The following IARS1 variants were observed in gnomAD, a reference collection of about 807,000 sequenced individuals.
IARS1 encodes the protein isoleucyl-tRNA synthetase 1, also known as isoleucine--tRNA ligase, cytoplasmic.
A neutral mutation model predicts 168.2 loss-of-function variants in IARS1; 124 were observed. The ratio of observed to expected loss-of-function variants is 0.74; its 90% CI spans 0.64 to 0.86. IARS1 has a LOEUF of 0.86. Ranked by LOEUF, IARS1 falls within the 40% of genes least tolerant of loss-of-function variation. The pLI is 0.00. For missense variants in IARS1, 1,452 were observed against 1,515.8 expected (o/e 0.96, Z 0.70); for synonymous variants, 532 against 529.4 (o/e 1.00, Z -0.07).
intron 14 of IARS1, among the ~76,000 whole-genome samples, chr9:92,266,555 A>T (rs547768172): frequency 1.1e-4 from 17 of 152,260 alleles, no homozygotes; most frequent in African/African-American, 3.9e-4. Context: ...AGCAAATCTC[A>T]AGTTGAAATT....
At chr9:92,275,847 G>A (rs1473729809) in intron 9 of IARS1, among the ~76,000 whole-genome samples, 1 of 152,224 alleles carries the variant, frequency 6.6e-6, no homozygotes, top group Non-Finnish European at 1.5e-5. Context: ...ACGATTTATA[G>A]TACTTGCCTA....
intron 16 of IARS1, among the ~76,000 whole-genome samples, chr9:92,264,428 T>C (rs1055644867): frequency 2.6e-5 from 4 of 152,148 alleles, no homozygotes; most frequent in Admixed American, 2.6e-4. Flanking sequence ...AGGAACTGTT[T>C]TACATAAGGC....
At chr9:92,213,420 C>A (rs1356225911) in intron 33 of IARS1, among the ~76,000 whole-genome samples, 6 of 152,130 alleles carry the variant, frequency 3.9e-5, no homozygotes, top group Admixed American at 3.3e-4. Flanking sequence ...AAAGATATGC[C>A]CAGGTTCTAA....
At position 92,271,568 on chromosome 9, in the gene IARS1, T is replaced by C. The variant is rs763502265; in HGVS notation, c.1078A>G (p.Thr360Ala). The part of the protein sequence containing the change: ...CPVDASGCFT[T>A]EVTDFAGQYV... Reference sequence around the variant, plus strand: ...TGTCCTGCGAAATCTGTCACCTCCGTTGTGAAGCAGCCTGAAGCATCCACA... The same window carrying C: ...TGTCCTGCGAAATCTGTCACCTCCGCTGTGAAGCAGCCTGAAGCATCCACA... Residue 360 changes from threonine (T) to alanine (A), a missense_variant, in exon 11 of 34, where the codon ACG (threonine) becomes GCG (alanine). By Grantham distance (58) the Thr-to-Ala change is moderately conservative. Coordinates refer to ENST00000443024, the MANE Select transcript of IARS1 (RefSeq NM_002161.6). The C allele has an allele frequency of 1.2e-6, 2 of 1,614,118 alleles. No individual in the cohort carries two copies. Among genetic ancestry groups the C allele is most frequent in the Admixed American group, 1.7e-5 (1 of 60,024 alleles).
chr9:92,240,064 C>G (rs553117754), intron 30 of IARS1, among the ~76,000 whole-genome samples: 1 of 152,234 alleles, frequency 6.6e-6, no homozygotes, highest in African/African-American at 2.4e-5. Flanking sequence ...CCTGAACTTA[C>G]TACTTTTAGG....
chr9:92,288,549 G>A (rs751904471), intron 2 of IARS1, among the ~76,000 whole-genome samples: 3 of 152,090 alleles, frequency 2.0e-5, no homozygotes, highest in Non-Finnish European at 4.4e-5. Flanking sequence ...TCCTGATCTT[G>A]AGTTATCTCA....
chr9:92,213,885 C>T (rs1838181576), intron 33 of IARS1, among the ~76,000 whole-genome samples: 1 of 152,006 alleles, frequency 6.6e-6, no homozygotes, highest in Non-Finnish European at 1.5e-5. Context: ...AATCTCAGCA[C>T]ACTGCAACCT....
chr9:92,223,325 CTGCTGTGGGGAGG>C lies in IARS1; in HGVS notation c.3553+8_3553+20del. The C allele has an allele frequency of 6.3e-7, 1 of 1,588,290 alleles. No homozygotes were observed. The highest frequency in any genetic ancestry group is 8.6e-7 in the Non-Finnish European group (1 of 1,162,934). On this transcript the variant is annotated splice_region_variant and intron_variant, in intron 32 of 33. Coordinates refer to ENST00000443024, the MANE Select transcript of IARS1 (RefSeq NM_002161.6). Reference sequence around the variant, plus strand: ...CAATGCCCAGCACCCCACAGTCTGCCTGCTGTGGGGAGGCACATACCTTGTGGCTTTGCATTCA... The same window carrying C: ...CAATGCCCAGCACCCCACAGTCTGCCCACATACCTTGTGGCTTTGCATTCA...
intron 15 of IARS1, 98 bp downstream of exon 15, chr9:92,265,382 A>G: frequency 2.7e-6 from 3 of 1,123,182 alleles, no homozygotes; most frequent in Non-Finnish European, 4.0e-6. Flanking sequence ...TAATTCAGCA[A>G]GCTAGTCACT....
chr9:92,229,166 A>C (rs1296556020), intron 30 of IARS1, 40 bp from the exon 31 acceptor site: 3 of 1,595,170 alleles, frequency 1.9e-6, no homozygotes, highest in South Asian at 1.1e-5. Flanking sequence ...CAGACAAATA[A>C]AACTAAAAAG....
At chr9:92,222,297 T>G (rs1839770666) in intron 33 of IARS1, among the ~76,000 whole-genome samples, 1 of 124,518 alleles carries the variant, frequency 8.0e-6, no homozygotes. Flanking sequence ...GCCAAGATCG[T>G]GCCACTGCAC....
chr9:92,256,583 T>G, intron 20 of IARS1, 97 bp downstream of exon 20: 1 of 1,200,160 alleles, frequency 8.3e-7, no homozygotes, highest in South Asian at 1.7e-5. Flanking sequence ...TTATTTAATT[T>G]TCTGTATCTC....
rs1829931020 is a variant in IARS1 at position 92,250,956 on chromosome 9, T to C, written c.2308-122A>G. Reference sequence around the variant, plus strand: ...ACAGTAATAGGCACCAAAATGAGCATGAGGTTACAAAACATGCCCTGTGAA... The same window carrying C: ...ACAGTAATAGGCACCAAAATGAGCACGAGGTTACAAAACATGCCCTGTGAA... On this transcript the variant is annotated intron_variant, in intron 22 of 33. Coordinates refer to ENST00000443024, the MANE Select transcript of IARS1 (RefSeq NM_002161.6). 4 of 1,068,892 alleles carry C rather than the reference T, an allele frequency of 3.7e-6. No homozygotes were observed. In the Admixed American group the frequency reaches 6.3e-5, roughly 17 times the overall value. 66.2% of individuals were successfully genotyped at this position (1,068,892 alleles called of 1,614,324 possible). A position where few individuals can be genotyped will look rare whatever the true frequency, so the allele number is the denominator to read the frequency against.
chr9:92,287,646 T>G, intron 4 of IARS1, 145 bp downstream of exon 4: 1 of 826,586 alleles, frequency 1.2e-6, no homozygotes, highest in South Asian at 2.1e-5. Context: ...AGCTAACCGT[T>G]TAAGTAATAG....
At position 92,262,990 on chromosome 9, in the gene IARS1, A is replaced by G. The variant is rs149536604; in HGVS notation, c.1766T>C (p.Val589Ala). 5.0e-6 allele frequency: 8 copies of G among 1,613,858 alleles called. No individual in the cohort carries two copies. The African/African-American group carries it at 9.3e-5, about 19-fold the overall frequency. The change falls in exon 17 of 34, where the codon GTG (valine) becomes GCG (alanine). Residue 589 changes from valine (V) to alanine (A), a missense_variant. Val to Ala is a moderately conservative substitution (Grantham distance 64, BLOSUM62 0). Transcript: ENST00000443024. The part of the protein sequence containing the change: ...FGQPPFKNVI[V>A]NGLVLASDGQ... ...CTACCTTGCCAGGACAAGCCCATTC[A>G]CAATTACGTTCTTGAAAGGCGGTTG...
chr9:92,287,038 A>G (rs879794677), intron 4 of IARS1, among the ~76,000 whole-genome samples: 3 of 152,252 alleles, frequency 2.0e-5, no homozygotes, highest in Non-Finnish European at 4.4e-5. Context: ...GAAAGCTGAC[A>G]GCACTTTAAC....
intron 6 of IARS1, among the ~76,000 whole-genome samples, chr9:92,281,730 A>G (rs1044740629): frequency 3.1e-5 from 4 of 130,424 alleles, no homozygotes; most frequent in African/African-American, 7.6e-5. Context: ...CTAAGGTAGG[A>G]AAAAAAAAAT....
chr9:92,277,669 GT>G (rs762829302), intron 9 of IARS1, among the ~76,000 whole-genome samples, 193 bp downstream of exon 9: 1,121 of 105,694 alleles, frequency 0.011, 11 homozygotes, highest in African/African-American at 0.063. Flanking sequence ...AGGAAACCCT[GT>G]TTTTAAAAAA....
At chr9:92,248,742 A>G (rs1254921014) in intron 25 of IARS1, among the ~76,000 whole-genome samples, 1 of 151,940 alleles carries the variant, frequency 6.6e-6, no homozygotes. Context: ...TTTGGTTTCT[A>G]ATATTTCTCT....
Sources: allele counts gnomAD v4.1 joint callset (sites outside exome capture counted in the v4.1 genomes callset), GRCh38; gene constraint gnomAD v4.1.1; transcripts MANE v1.5; gene names NCBI Gene and HGNC (gene_info 2026-07-23, HGNC 2026-07-21).